Variants in NDUFAF6 observed in about 807,000 individuals in gnomAD.
NDUFAF6 encodes NADH:ubiquinone oxidoreductase complex assembly factor 6.
NDUFAF6 carries 45 observed loss-of-function variants against 40.8 expected under a neutral mutation model. That is an observed-to-expected ratio of 1.10 (90% CI 0.87 to 1.42). The LOEUF is 1.42. NDUFAF6 is among the 40% of genes most tolerant of loss of function. The pLI is 0.00. For synonymous variants in NDUFAF6, 185 were observed against 155.9 expected (o/e 1.19, Z -1.39); for missense variants, 435 against 418.5 (o/e 1.04, Z -0.34).
intron 8 of NDUFAF6, among the ~76,000 whole-genome samples, chr8:95,057,303 G>A (rs545023390): frequency 6.6e-6 from 1 of 152,172 alleles, no homozygotes; most frequent in Non-Finnish European, 1.5e-5. Flanking sequence ...GTTTTTTGTG[G>A]TGGGGAAAGG....
chr8:95,048,425 G>T (rs745744709), intron 6 of NDUFAF6, 32 bp from the exon 7 acceptor site: 1 of 1,501,468 alleles, frequency 6.7e-7, no homozygotes, highest in South Asian at 1.1e-5. Flanking sequence ...GTGCTTTTAG[G>T]TTCCTAATAT....
At chr8:94,926,248 A>C (rs1819881558) in intron 1 of NDUFAF6, 1 of 152,600 alleles carries the variant, frequency 6.6e-6, no homozygotes, top group Non-Finnish European at 1.5e-5. Flanking sequence ...ACAGTAACCT[A>C]ACCAAATGTC....
chr8:95,071,363 A>C (rs1348708895), intron 9 of NDUFAF6, among the ~76,000 whole-genome samples: 2 of 143,176 alleles, frequency 1.4e-5, no homozygotes, highest in Non-Finnish European at 3.0e-5. Context: ...TCACCACTGC[A>C]CTCCAGCCTG....
At chr8:95,007,080 T>C (rs868358303) in intron 2 of NDUFAF6, among the ~76,000 whole-genome samples, 2 of 152,112 alleles carry the variant, frequency 1.3e-5, no homozygotes, top group African/African-American at 2.4e-5. Context: ...AGGTTTCTTA[T>C]ACTATAGTTC....
intron 1 of NDUFAF6, among the ~76,000 whole-genome samples, chr8:94,959,099 A>G (rs1823336191): frequency 6.6e-6 from 1 of 152,106 alleles, no homozygotes; most frequent in African/African-American, 2.4e-5. Flanking sequence ...GCGGTAGCAA[A>G]GCCTGAGTAC....
intron 2 of NDUFAF6, 122 bp from the exon 3 acceptor site, chr8:95,035,332 T>C: frequency 1.0e-6 from 1 of 953,690 alleles, no homozygotes; most frequent in Non-Finnish European, 1.6e-6. Flanking sequence ...AATGTAGTCA[T>C]GTATTTATCA....
chr8:95,014,173 C>A lies in NDUFAF6; in HGVS notation c.-83-17822C>A, dbSNP rs543832743. ...CAATTTTCTGGTGTTCAAGACACCC[C>A]AATTTGTGGTGCTTTATTATGGTAG... On this transcript the variant is annotated intron_variant, in intron 2 of 9. Transcript: ENST00000396111. Among the ~76,000 whole-genome samples, 26 of 152,288 alleles carry A rather than the reference C, an allele frequency of 1.7e-4. 2 individuals are homozygous for A. The South Asian group carries it at 5.2e-3, about 30-fold the overall frequency.
chr8:95,063,567 A>G (rs1832623546), downstream of NDUFAF6, among the ~76,000 whole-genome samples: 2 of 152,248 alleles, frequency 1.3e-5, no homozygotes. Context: ...ACTGCCCTCC[A>G]GCCTGGGTGA....
intron 8 of NDUFAF6, among the ~76,000 whole-genome samples, chr8:95,055,749 G>A (rs1176188031): frequency 6.6e-6 from 1 of 152,016 alleles, no homozygotes; most frequent in African/African-American, 2.4e-5. Flanking sequence ...TATTTTCAAA[G>A]TTTTTTATTC....
chr8:94,985,486 TATATATATATATATATATATATATATA>T (rs1563770550), intron 2 of NDUFAF6, among the ~76,000 whole-genome samples: 25 of 5,486 alleles, frequency 4.6e-3, no homozygotes, highest in Non-Finnish European at 0.011. Flanking sequence ...TATATATATA[TATATATATATATATATATATATATATA>T]TATTTTTTTT....
intron 2 of NDUFAF6, among the ~76,000 whole-genome samples, chr8:95,012,823 CAA>C (rs33917264): frequency 2.3e-4 from 34 of 150,900 alleles, no homozygotes; most frequent in African/African-American, 5.3e-4. Context: ...GACTCTGTCT[CAA>C]AAAAAACAGC....
intron 4 of NDUFAF6, among the ~76,000 whole-genome samples, chr8:95,042,765 C>T (rs77588837): frequency 0.03 from 4,639 of 152,236 alleles, 244 homozygotes; most frequent in African/African-American, 0.1. Context: ...AGTAATCAAA[C>T]TGTGTGTTAC....
chr8:94,987,267 C>T (rs1563772490), intron 2 of NDUFAF6, among the ~76,000 whole-genome samples: 1 of 152,182 alleles, frequency 6.6e-6, no homozygotes, highest in Non-Finnish European at 1.5e-5. Context: ...TTGGTTCATC[C>T]ACCCCTCCAG....
At chr8:94,968,851 G>T (rs1824229040) in intron 1 of NDUFAF6, among the ~76,000 whole-genome samples, 1 of 152,048 alleles carries the variant, frequency 6.6e-6, no homozygotes, top group African/African-American at 2.4e-5. Flanking sequence ...GAGTGACTGG[G>T]TTCTAGATAT....
At chr8:95,003,625 T>G (rs1413271530) in intron 2 of NDUFAF6, among the ~76,000 whole-genome samples, 1 of 152,218 alleles carries the variant, frequency 6.6e-6, no homozygotes, top group African/African-American at 2.4e-5. Flanking sequence ...TGTGTCTGGC[T>G]TCACTACCAT....
At chr8:94,941,088 G>T (rs1297342741) in intron 1 of NDUFAF6, 2 of 609,740 alleles carry the variant, frequency 3.3e-6, no homozygotes, top group Non-Finnish European at 5.8e-6. Context: ...AAGAGTCATT[G>T]TACCTAAAAT....
At chr8:94,912,139 T>C (rs919404961) in intron 1 of NDUFAF6, among the ~76,000 whole-genome samples, 6 of 152,260 alleles carry the variant, frequency 3.9e-5, no homozygotes, top group Non-Finnish European at 5.9e-5. Context: ...AACAGTGGTC[T>C]CTATCCTACG....
chr8:94,997,495 C>G (rs772919957), intron 2 of NDUFAF6, among the ~76,000 whole-genome samples: 7 of 152,132 alleles, frequency 4.6e-5, no homozygotes, highest in African/African-American at 1.7e-4. Flanking sequence ...GTATTTTTGA[C>G]TCAGTATCAT....
intron 2 of NDUFAF6, among the ~76,000 whole-genome samples, chr8:95,015,969 G>A (rs868536557): frequency 2.0e-5 from 3 of 152,314 alleles, no homozygotes; most frequent in Middle Eastern, 6.8e-3. Flanking sequence ...GCTTTAAAGA[G>A]CTTAAGATAT....
Sources: gnomAD v4.1 joint callset for allele counts (sites outside exome capture counted in the v4.1 genomes callset) on GRCh38, gnomAD v4.1.1 for gene constraint, MANE v1.5 for transcripts, NCBI Gene and HGNC (gene_info 2026-07-23, HGNC 2026-07-21) for gene names.